The following RARS1 variants were observed in gnomAD, a reference collection of about 807,000 sequenced individuals.
RARS1 encodes the protein arginyl-tRNA synthetase 1.
In RARS1, 75 loss-of-function variants were observed where a neutral mutation model predicts 78.7. The ratio of observed to expected loss-of-function variants is 0.95; its 90% CI spans 0.79 to 1.15. The LOEUF is 1.15. Ranked by LOEUF, RARS1 falls within the 50% of genes most tolerant of loss-of-function variation. The pLI is 0.00. For missense variants in RARS1, 787 were observed against 787.5 expected, an observed-to-expected ratio of 1.00 and a Z score of 0.01; for synonymous variants, 273 against 268.2, an observed-to-expected ratio of 1.02 and a Z score of -0.18.
In RARS1 at chr5:168,502,382, A is replaced by T. The variant is rs762774908; in HGVS notation, c.1057+277A>T. On this transcript the variant is annotated intron_variant, in intron 9 of 14. Coordinates refer to ENST00000231572, the MANE Select transcript of RARS1 (RefSeq NM_002887.4). Reference sequence around the variant, plus strand: ...AACAAATATATATATATATATATATATATTTTTTTTTTTTAAAACAATCTT... The same window carrying T: ...AACAAATATATATATATATATATATTTATTTTTTTTTTTTAAAACAATCTT... Among the ~76,000 whole-genome samples the T allele has an allele frequency of 0.092, 10,970 of 118,868 alleles. 482 individuals carry two copies. The highest frequency in any genetic ancestry group is 0.13 in the African/African-American group (3,624 of 27,240). 78.0% of individuals were successfully genotyped at this position (118,868 alleles called of 152,430 possible).
Position 168,519,077 on chromosome 5 carries a change from T to C in RARS1, c.1874-4T>C. The C allele has an allele frequency of 6.2e-7, 1 of 1,601,446 alleles. No homozygotes were observed. The highest frequency in any genetic ancestry group is 8.5e-7 in the Non-Finnish European group (1 of 1,173,092). ...TAATTAACAACTTTTTTCTATCTTT[T>C]CAGGAAAAATATTGAAGGTGAACAT... On this transcript the variant is annotated splice_polypyrimidine_tract_variant and splice_region_variant and intron_variant, in intron 14 of 14. Coordinates refer to ENST00000231572, the MANE Select transcript of RARS1 (RefSeq NM_002887.4).
intron 9 of RARS1, among the ~76,000 whole-genome samples, chr5:168,502,351 T>C (rs1758344112): frequency 6.9e-6 from 1 of 145,732 alleles, no homozygotes; most frequent in Non-Finnish European, 1.5e-5. Context: ...GCAATATCAT[T>C]ATAATAACAA....
chr5:168,492,953 G>A (rs1233315555), intron 3 of RARS1, 106 bp downstream of exon 3: 1 of 1,095,040 alleles, frequency 9.1e-7, no homozygotes, highest in Non-Finnish European at 1.3e-6. Context: ...TTAGTGAAAA[G>A]GACATTTGCC....
At position 168,497,169 on chromosome 5, in the gene RARS1, T is replaced by G. The variant is rs72830965; in HGVS notation, c.702-59T>G. 214,758 of 1,266,048 alleles carry G rather than the reference T, an allele frequency of 0.17. 19,811 individuals carry two copies. The highest frequency in any genetic ancestry group is 0.19 in the Non-Finnish European group (182,165 of 963,774). The allele number at this position is 1,266,048 out of a possible 1,614,324, so 78.4% of individuals were successfully genotyped here. On this transcript the variant is annotated intron_variant, in intron 6 of 14. Coordinates refer to ENST00000231572, the MANE Select transcript of RARS1 (RefSeq NM_002887.4). The stretch of plus-strand genomic sequence containing the variant: ...TCCTAATGGAATATAGTTCCTCTAA[T>G]TTAACTTAACCATCTTTATTATTTA...
intron 7 of RARS1, 118 bp downstream of exon 7, chr5:168,497,466 A>G (rs1758221201): frequency 7.3e-6 from 6 of 823,208 alleles, no homozygotes; most frequent in South Asian, 3.1e-5. Context: ...GAAAGTTGCT[A>G]ACAGCCTTAG....
At chr5:168,491,889 CAT>C (rs1485497565) in intron 2 of RARS1, among the ~76,000 whole-genome samples, 1 of 144,706 alleles carries the variant, frequency 6.9e-6, no homozygotes, top group Non-Finnish European at 1.5e-5. Context: ...AATTGACAAA[CAT>C]AAAGGTGTAT....
At position 168,488,732 on chromosome 5, in the gene RARS1, G is replaced by T; in HGVS notation, c.176G>T (p.Arg59Leu). The change falls in exon 2 of 15, where the codon CGA becomes CTA. Residue 59 changes from arginine (R) to leucine (L), a missense_variant. Transcript: ENST00000231572. Reference protein sequence around the residue: ...LKLKYRLNILRKSLQAERNKP... With the variant: ...LKLKYRLNILLKSLQAERNKP... ...TTAAAGTATCGACTGAATATTCTTC[G>T]AAAGGTGAGTACTTTGGGTTCCAGT... 1.9e-6 allele frequency: 3 copies of T among 1,602,734 alleles called. No homozygotes were observed. The highest frequency in any genetic ancestry group is 2.5e-6 in the Non-Finnish European group (3 of 1,176,582).
chr5:168,508,845 A>G (rs1758506030), intron 11 of RARS1, among the ~76,000 whole-genome samples: 1 of 151,952 alleles, frequency 6.6e-6, no homozygotes, highest in Non-Finnish European at 1.5e-5. Context: ...CACAATGTGT[A>G]TATGCAGGTA....
At chr5:168,518,810 T>G (rs1237409250) in intron 14 of RARS1, among the ~76,000 whole-genome samples, 1 of 152,154 alleles carries the variant, frequency 6.6e-6, no homozygotes, top group Non-Finnish European at 1.5e-5. Flanking sequence ...CTAGGAAAAT[T>G]TTTTAAAAGA....
intron 7 of RARS1, 113 bp from the exon 8 acceptor site, chr5:168,500,478 G>C: frequency 9.4e-7 from 1 of 1,061,252 alleles, no homozygotes. Flanking sequence ...TTGTTCTCGT[G>C]TTTGTACTTT....
At chr5:168,500,836 G>A in intron 8 of RARS1, 116 bp downstream of exon 8, 1 of 1,259,604 alleles carries the variant, frequency 7.9e-7, no homozygotes, top group South Asian at 1.7e-5. Context: ...CAGGCAAATA[G>A]ATTTTTTCTT....
intron 9 of RARS1, among the ~76,000 whole-genome samples, chr5:168,505,719 A>G (rs1445211458): frequency 8.7e-6 from 1 of 115,246 alleles, no homozygotes; most frequent in Non-Finnish European, 2.3e-5. Flanking sequence ...AAAAAGAAAA[A>G]AAAAAAAAAA....
chr5:168,494,201 A>C, intron 4 of RARS1, 199 bp downstream of exon 4: 1 of 964,486 alleles, frequency 1.0e-6, no homozygotes, highest in Non-Finnish European at 1.2e-6. Context: ...ATCTTGAATG[A>C]GTTACTTTGC....
In RARS1 at chr5:168,519,301, G is replaced by A; in HGVS notation, c.*111G>A. On this transcript the variant is annotated 3_prime_UTR_variant, in exon 15 of 15. Transcript: ENST00000231572. ...TAAGTAAAGAAAATTTGTCAACCAG[G>A]CAAAATGTGGTTCTTTAACAGCTAG... 1 of 733,456 alleles carries A rather than the reference G, an allele frequency of 1.4e-6. No homozygotes were observed. Among genetic ancestry groups the A allele is most frequent in the Non-Finnish European group, 2.3e-6 (1 of 441,304 alleles). The allele number at this position is 733,456 out of a possible 1,614,324, so 45.4% of individuals were successfully genotyped here.
At chr5:168,493,694 G>A (rs1394428572) in intron 3 of RARS1, among the ~76,000 whole-genome samples, 200 bp from the exon 4 acceptor site, 1 of 150,792 alleles carries the variant, frequency 6.6e-6, no homozygotes, top group Non-Finnish European at 1.5e-5. Flanking sequence ...TGGAAATAGA[G>A]ATCATGTAGT....
intron 1 of RARS1, chr5:168,488,374 T>G: frequency 2.2e-6 from 1 of 447,848 alleles, no homozygotes; most frequent in South Asian, 2.6e-5. Context: ...GTCATCCACC[T>G]GCCTAGGCCT....
chr5:168,518,095 T>TTTTTTTTTTTTTTTTTTTTTTTTTTTG, intron 14 of RARS1, 33 bp downstream of exon 14: 1 of 1,338,148 alleles, frequency 7.5e-7, no homozygotes. Context: ...TTTTTTTTTT[T>TTTTTTTTTTTTTTTTTTTTTTTTTTTG]AGTGAGAGAC....
intron 1 of RARS1, among the ~76,000 whole-genome samples, 158 bp from the exon 2 acceptor site, chr5:168,488,444 G>A (rs573843384): frequency 8.5e-5 from 13 of 152,218 alleles, no homozygotes; most frequent in Admixed American, 7.2e-4. Context: ...TTCTTATTAA[G>A]GATAATATGC....
chr5:168,507,615 T>C (rs1758474345), intron 11 of RARS1, among the ~76,000 whole-genome samples: 1 of 152,190 alleles, frequency 6.6e-6, no homozygotes, highest in South Asian at 2.1e-4. Flanking sequence ...TAATTGAACA[T>C]GTAAAAGGCA....
Sources: gnomAD v4.1 joint callset for allele counts (sites outside exome capture counted in the v4.1 genomes callset) on GRCh38, gnomAD v4.1.1 for gene constraint, MANE v1.5 for transcripts, NCBI Gene and HGNC (gene_info 2026-07-23, HGNC 2026-07-21) for gene names.